The following ENTREP2 variants were observed in gnomAD, a reference collection of about 807,000 sequenced individuals.
ENTREP2 encodes the protein protein ENTREP2.
At chr15:29,410,054 T>G in the ENTREP2 span, among the ~76,000 whole-genome samples, 1 of 152,314 alleles carries the variant, frequency 6.6e-6, no homozygotes, top group Non-Finnish European at 1.5e-5. Context: ...GACTTTCCCC[T>G]CAATCACTGC....
chr15:29,423,219 A>G, the ENTREP2 span, among the ~76,000 whole-genome samples: 3 of 152,194 alleles, frequency 2.0e-5, no homozygotes, highest in Non-Finnish European at 2.9e-5. Context: ...CACATTTAAC[A>G]TCTTGTATAC....
chr15:29,289,751 C>T, the ENTREP2 span, among the ~76,000 whole-genome samples: 10 of 152,002 alleles, frequency 6.6e-5, no homozygotes, highest in African/African-American at 2.2e-4. Flanking sequence ...GAGGCTGAGG[C>T]AGGAGAATCA....
chr15:29,204,219 A>G, the ENTREP2 span, among the ~76,000 whole-genome samples: 23 of 152,310 alleles, frequency 1.5e-4, no homozygotes, highest in Admixed American at 1.4e-3. Context: ...GTAATTTTTC[A>G]CAAATCTCTT....
At chr15:29,341,833 G>A in the ENTREP2 span, among the ~76,000 whole-genome samples, 4 of 152,150 alleles carry the variant, frequency 2.6e-5, no homozygotes, top group East Asian at 1.9e-4. Flanking sequence ...CAGGAGGCCC[G>A]TGGCGCTGGA....
the ENTREP2 span, among the ~76,000 whole-genome samples, chr15:29,413,629 AC>A: frequency 6.6e-6 from 1 of 151,848 alleles, no homozygotes; most frequent in African/African-American, 2.4e-5. Flanking sequence ...ATTCATCACA[AC>A]CCCTACATAC....
chr15:29,265,959 A>T, the ENTREP2 span: 1 of 152,238 alleles, frequency 6.6e-6, no homozygotes, highest in Non-Finnish European at 1.5e-5. Flanking sequence ...TTTTTAAAGC[A>T]CTATACACAA....
At chr15:29,527,339 T>C in the ENTREP2 span, among the ~76,000 whole-genome samples, 1 of 152,180 alleles carries the variant, frequency 6.6e-6, no homozygotes, top group South Asian at 2.1e-4. Flanking sequence ...GGGGGTTCCA[T>C]GGGAAAATAC....
chr15:29,234,816 C>T, the ENTREP2 span: 4 of 1,450,786 alleles, frequency 2.8e-6, no homozygotes, highest in Non-Finnish European at 3.9e-6. Flanking sequence ...ATCTGTTTAT[C>T]ATTTGTGCAA....
chr15:29,521,919 C>T, the ENTREP2 span, among the ~76,000 whole-genome samples: 1 of 152,108 alleles, frequency 6.6e-6, no homozygotes, highest in African/African-American at 2.4e-5. Context: ...GTGTTGGCAT[C>T]AAGACAGACA....
the ENTREP2 span, among the ~76,000 whole-genome samples, chr15:29,626,692 C>T: frequency 4.6e-3 from 693 of 152,120 alleles, 6 homozygotes; most frequent in African/African-American, 0.016. Context: ...CCTTATTTTA[C>T]TGACTGAAAA....
the ENTREP2 span, among the ~76,000 whole-genome samples, chr15:29,588,851 T>C: frequency 6.6e-6 from 1 of 151,852 alleles, no homozygotes; most frequent in Non-Finnish European, 1.5e-5. Context: ...TAGCCTGGCA[T>C]GGTGGGACGC....
At chr15:29,486,454 G>A in the ENTREP2 span, among the ~76,000 whole-genome samples, 1 of 152,210 alleles carries the variant, frequency 6.6e-6, no homozygotes, top group Non-Finnish European at 1.5e-5. Context: ...ACTTTGGGAG[G>A]CCGAGGTGGG....
the ENTREP2 span, among the ~76,000 whole-genome samples, chr15:29,496,357 T>A: frequency 6.6e-6 from 1 of 151,668 alleles, no homozygotes; most frequent in Non-Finnish European, 1.5e-5. Flanking sequence ...AATTTCCTCC[T>A]TCCCAATTTG....
chr15:29,477,053 C>T, the ENTREP2 span, among the ~76,000 whole-genome samples: 1 of 152,182 alleles, frequency 6.6e-6, no homozygotes, highest in Non-Finnish European at 1.5e-5. Context: ...TAAGTGCACT[C>T]ATACAAGAGA....
the ENTREP2 span, among the ~76,000 whole-genome samples, chr15:29,471,227 A>T: frequency 6.6e-6 from 1 of 152,216 alleles, no homozygotes; most frequent in African/African-American, 2.4e-5. Context: ...GCTTCCTCAT[A>T]AGATTTCATT....
chr15:29,622,190 A>G, the ENTREP2 span, among the ~76,000 whole-genome samples: 1 of 151,564 alleles, frequency 6.6e-6, no homozygotes, highest in South Asian at 2.1e-4. Flanking sequence ...TAAAATGGTT[A>G]AAATAGTTTA....
At chr15:29,215,577 A>AATATATAT in the ENTREP2 span, among the ~76,000 whole-genome samples, 80 of 144,720 alleles carry the variant, frequency 5.5e-4, no homozygotes, top group South Asian at 2.7e-3. Context: ...AAATATATAT[A>AATATATAT]ATATATATAT....
the ENTREP2 span, among the ~76,000 whole-genome samples, chr15:29,378,445 T>C: frequency 6.6e-6 from 1 of 152,296 alleles, no homozygotes; most frequent in African/African-American, 2.4e-5. Context: ...AAACACTAGT[T>C]TGGATGTTGC....
At chr15:29,490,527 T>C in the ENTREP2 span, among the ~76,000 whole-genome samples, 1 of 152,162 alleles carries the variant, frequency 6.6e-6, no homozygotes, top group Admixed American at 6.5e-5. Context: ...AGCTGATTGG[T>C]CCGTTTTACA....
Sources: allele counts gnomAD v4.1 joint callset (sites outside exome capture counted in the v4.1 genomes callset), GRCh38; gene constraint gnomAD v4.1.1; transcripts MANE v1.5; gene names NCBI Gene and HGNC (gene_info 2026-07-23, HGNC 2026-07-21).